C12orf42: variants seen among roughly 807,000 people sequenced by gnomAD.
C12orf42 encodes the protein chromosome 12 open reading frame 42.
A neutral mutation model predicts 21.6 loss-of-function variants in C12orf42; 25 were observed. The observed-to-expected ratio is 1.16, with a 90% CI of 0.84 to 1.62. The LOEUF is 1.62. Ranked by LOEUF, C12orf42 falls within the 40% of genes most tolerant of loss-of-function variation. C12orf42 has a pLI of 0.00. For synonymous variants in C12orf42, 174 were observed against 175.0 expected (o/e 0.99, Z 0.05); for missense variants, 483 against 459.3 (o/e 1.05, Z -0.47).
chr12:103,195,485 C>A, the C12orf42 span, among the ~76,000 whole-genome samples: 2 of 151,952 alleles, frequency 1.3e-5, no homozygotes, highest in African/African-American at 4.8e-5. Flanking sequence ...TAATGGCCAT[C>A]CTGACTGGTA....
At chr12:103,146,563 A>AGAAAGAAAGAAATAAT in the C12orf42 span, among the ~76,000 whole-genome samples, 3 of 123,648 alleles carry the variant, frequency 2.4e-5, no homozygotes, top group African/African-American at 3.4e-5. Context: ...AAGAAAGAAA[A>AGAAAGAAAGAAATAAT]GAAAGAAAGA....
At chr12:103,234,397 T>A (rs2033405661), downstream of C12orf42, among the ~76,000 whole-genome samples, 1 of 152,138 alleles carries the variant, frequency 6.6e-6, no homozygotes, top group South Asian at 2.1e-4. Context: ...ATGGTGACTT[T>A]TTTGTGAATC....
chr12:103,204,114 T>A, the C12orf42 span, among the ~76,000 whole-genome samples: 1,616 of 152,252 alleles, frequency 0.011, 24 homozygotes, highest in African/African-American at 0.036. Flanking sequence ...TTCTTGGCCC[T>A]GGGAGATGCA....
At chr12:103,204,158 T>C in the C12orf42 span, among the ~76,000 whole-genome samples, 1 of 152,150 alleles carries the variant, frequency 6.6e-6, no homozygotes, top group African/African-American at 2.4e-5. Context: ...TTGAAATACG[T>C]CAGGGTCAAA....
intron 5 of C12orf42, among the ~76,000 whole-genome samples, chr12:103,273,202 T>C (rs2035568957): frequency 6.6e-6 from 1 of 152,154 alleles, no homozygotes; most frequent in Admixed American, 6.6e-5. Context: ...GATTCACCAA[T>C]GACCTGTTAG....
intron 5 of C12orf42, among the ~76,000 whole-genome samples, chr12:103,275,511 A>G (rs1197719136): frequency 1.3e-5 from 2 of 152,182 alleles, no homozygotes; most frequent in African/African-American, 4.8e-5. Context: ...ACTTCAAAGG[A>G]ACAAGTAATC....
chr12:103,207,018 A>C, the C12orf42 span, among the ~76,000 whole-genome samples: 1 of 151,868 alleles, frequency 6.6e-6, no homozygotes, highest in African/African-American at 2.4e-5. Flanking sequence ...ATCTCTCCCC[A>C]CCCCAAGGAT....
the C12orf42 span, among the ~76,000 whole-genome samples, chr12:103,534,513 T>G: frequency 2.0e-5 from 3 of 152,158 alleles, no homozygotes; most frequent in African/African-American, 7.2e-5. Context: ...ACAAGTAGAA[T>G]GAATGAGCTC....
chr12:103,188,994 C>G, the C12orf42 span, among the ~76,000 whole-genome samples: 1 of 151,866 alleles, frequency 6.6e-6, no homozygotes, highest in African/African-American at 2.4e-5. Context: ...GTTAATATCA[C>G]TTTAGCATTT....
chr12:103,438,468 T>C (rs945603307), intron 2 of C12orf42, among the ~76,000 whole-genome samples: 28 of 151,952 alleles, frequency 1.8e-4, no homozygotes, highest in Non-Finnish European at 1.0e-4. Context: ...AGTCAAATTG[T>C]CCCTGTTTGC....
At chr12:103,288,158 A>G (rs894123762) in intron 4 of C12orf42, among the ~76,000 whole-genome samples, 1 of 152,188 alleles carries the variant, frequency 6.6e-6, no homozygotes, top group African/African-American at 2.4e-5. Context: ...ACCATACACC[A>G]TTAATCAATT....
the C12orf42 span, among the ~76,000 whole-genome samples, chr12:103,077,084 C>T: frequency 6.6e-6 from 1 of 152,152 alleles, no homozygotes; most frequent in Admixed American, 6.6e-5. Flanking sequence ...GTTCTAGACC[C>T]ATTTTCTCTA....
At chr12:103,256,266 G>A (rs968283053) in intron 10 of C12orf42, among the ~76,000 whole-genome samples, 5 of 149,904 alleles carry the variant, frequency 3.3e-5, no homozygotes, top group Non-Finnish European at 7.4e-5. Flanking sequence ...GAGATTCTGG[G>A]AGGATCGTGA....
chr12:103,070,356 C>T, the C12orf42 span, among the ~76,000 whole-genome samples: 1 of 152,198 alleles, frequency 6.6e-6, no homozygotes, highest in East Asian at 1.9e-4. Context: ...CTCAGTTTCT[C>T]AGTGCCTCAC....
At chr12:103,497,676 C>G (rs1346576207), upstream of C12orf42, among the ~76,000 whole-genome samples, 1 of 152,136 alleles carries the variant, frequency 6.6e-6, no homozygotes, top group Non-Finnish European at 1.5e-5. Flanking sequence ...ACGTGTCAGG[C>G]AAAATAAACA....
At chr12:103,070,199 C>T in the C12orf42 span, among the ~76,000 whole-genome samples, 1 of 152,162 alleles carries the variant, frequency 6.6e-6, no homozygotes, top group African/African-American at 2.4e-5. Flanking sequence ...ATGTCCAGCT[C>T]ATTTCTCTGC....
intron 4 of C12orf42, among the ~76,000 whole-genome samples, chr12:103,315,511 C>A (rs929233520): frequency 6.6e-6 from 1 of 151,964 alleles, no homozygotes; most frequent in Non-Finnish European, 1.5e-5. Flanking sequence ...TACGAACTTC[C>A]CAAACTAAAA....
At chr12:103,141,661 C>G in the C12orf42 span, among the ~76,000 whole-genome samples, 1 of 151,746 alleles carries the variant, frequency 6.6e-6, no homozygotes, top group East Asian at 1.9e-4. Context: ...TCCCAAGTAG[C>G]TGGGATTACA....
the C12orf42 span, among the ~76,000 whole-genome samples, chr12:103,501,419 A>T: frequency 6.6e-6 from 1 of 152,202 alleles, no homozygotes. Flanking sequence ...CCACTGCTGA[A>T]GGGGGCTAAA....
Sources: gnomAD v4.1 joint callset for allele counts (sites outside exome capture counted in the v4.1 genomes callset) on GRCh38, gnomAD v4.1.1 for gene constraint, MANE v1.5 for transcripts, NCBI Gene and HGNC (gene_info 2026-07-23, HGNC 2026-07-21) for gene names.